NUP210: variants seen among roughly 807,000 people sequenced by gnomAD.
NUP210 encodes the protein nuclear pore membrane glycoprotein 210.
A neutral mutation model predicts 196.0 loss-of-function variants in NUP210; 151 were observed. That is an observed-to-expected ratio of 0.77 (90% CI 0.67 to 0.88). The LOEUF is 0.88. Among genes scored for constraint, NUP210 ranks in the 40% least tolerant of loss-of-function variants. The pLI, the probability that NUP210 is intolerant of heterozygous loss-of-function variation, is 0.00. For synonymous variants in NUP210, 1,070 were observed against 1,052.7 expected (o/e 1.02, Z -0.32); for missense variants, 2,314 against 2,493.7 (o/e 0.93, Z 1.53).
intron 3 of NUP210, among the ~76,000 whole-genome samples, chr3:13,393,782 C>A (rs1317089705): frequency 2.0e-5 from 3 of 152,196 alleles, no homozygotes; most frequent in Non-Finnish European, 4.4e-5. Flanking sequence ...TCAGTACCTA[C>A]TATGTGCAAC....
chr3:13,397,235 G>T, intron 3 of NUP210, 122 bp downstream of exon 3: 1 of 1,200,508 alleles, frequency 8.3e-7, no homozygotes, highest in East Asian at 2.8e-5. Flanking sequence ...GACCAGAGCT[G>T]CCCTCTAGGG....
rs1699017009 is a variant in NUP210 at position 13,379,030 on chromosome 3, G to A, written c.977-50C>T. On this transcript the variant is annotated intron_variant, in intron 7 of 39. Coordinates refer to ENST00000254508, the MANE Select transcript of NUP210 (RefSeq NM_024923.4). This position sits in a 1 kb window ranked among gnomAD's most constrained non-coding sequence, Gnocchi z 4.2. Reference sequence around the variant, plus strand: ...ACATATGACAGCAAATAAACCAGCTGGCTGGCCAGTTTCAGCTTGGCTCAG... The same window carrying A: ...ACATATGACAGCAAATAAACCAGCTAGCTGGCCAGTTTCAGCTTGGCTCAG... 6.6e-7 allele frequency: 1 copy of A among 1,508,484 alleles called. No individual in the cohort carries two copies. Among genetic ancestry groups the A allele is most frequent in the Non-Finnish European group, 9.2e-7 (1 of 1,083,944 alleles). 93.4% of individuals were successfully genotyped at this position (1,508,484 alleles called of 1,614,324 possible). A position where few individuals can be genotyped will look rare whatever the true frequency, so the allele number is the denominator to read the frequency against.
chr3:13,330,333 T>G (rs1196207678), intron 30 of NUP210, 127 bp downstream of exon 30: 1 of 873,518 alleles, frequency 1.1e-6, no homozygotes, highest in African/African-American at 1.7e-5. Flanking sequence ...TGCCCCTGAG[T>G]TACTCTAAAT....
At chr3:13,321,416 A>G (rs1325499656) in intron 36 of NUP210, among the ~76,000 whole-genome samples, 169 bp downstream of exon 36, 1 of 152,270 alleles carries the variant, frequency 6.6e-6, no homozygotes. Context: ...GAGAGACAGC[A>G]ACAGTGCTAT....
chr3:13,318,068 G>A (rs1696346452), intron 39 of NUP210, among the ~76,000 whole-genome samples: 2 of 152,206 alleles, frequency 1.3e-5, no homozygotes, highest in Non-Finnish European at 2.9e-5. Context: ...GGGGCATGAG[G>A]CAGGGAGGCC....
intron 1 of NUP210, among the ~76,000 whole-genome samples, chr3:13,404,997 G>A (rs996496434): frequency 6.6e-6 from 1 of 152,016 alleles, no homozygotes. Flanking sequence ...GGAACAGTTC[G>A]TTTCTGGAGA....
At position 13,379,420 on chromosome 3, in the gene NUP210, C is replaced by T; in HGVS notation, c.976+143G>A. The T allele has an allele frequency of 7.4e-6, 8 of 1,077,652 alleles. No individual in the cohort carries two copies. Among genetic ancestry groups the T allele is most frequent in the Non-Finnish European group, 1.1e-5 (8 of 721,220 alleles). The allele number at this position is 1,077,652 out of a possible 1,614,324, so 66.8% of individuals were successfully genotyped here. On this transcript the variant is annotated intron_variant, in intron 7 of 39. Coordinates refer to ENST00000254508, the MANE Select transcript of NUP210 (RefSeq NM_024923.4). The surrounding 1 kb of genome is among the most constrained non-coding windows in gnomAD (Gnocchi z 4.2). ...CCGTGAGCAATTCCACTCAGCAGTG[C>T]TATTTCAGTTCTTTCTGATTTTCAG...
chr3:13,324,334 C>G lies in NUP210; in HGVS notation c.4645-902G>C, dbSNP rs368272834. 8.5e-5 allele frequency among the ~76,000 whole-genome samples: 13 copies of G among 152,248 alleles called. No homozygotes were observed. In the East Asian group the frequency reaches 2.1e-3, roughly 25 times the overall value. On this transcript the variant is annotated intron_variant, in intron 33 of 39. Coordinates refer to ENST00000254508, the MANE Select transcript of NUP210 (RefSeq NM_024923.4). ...CGTGCACTCCCACCCACTCCCAGGG[C>G]TTCAGAGGCCACTTCTGGGCTGAGG...
chr3:13,395,291 G>A (rs972554829), intron 3 of NUP210, among the ~76,000 whole-genome samples: 1 of 152,206 alleles, frequency 6.6e-6, no homozygotes, highest in African/African-American at 2.4e-5. Context: ...ACAAGGATGA[G>A]CAATAGCAAG....
intron 20 of NUP210, among the ~76,000 whole-genome samples, chr3:13,346,109 C>CT (rs1284930466): frequency 1.3e-5 from 2 of 152,226 alleles, no homozygotes; most frequent in East Asian, 3.8e-4. Context: ...ATCAATTGCT[C>CT]TTCCACTCGA....
Position 13,319,781 on chromosome 3 carries a change from G to A in NUP210, c.5365C>T (p.Arg1789Cys), listed in dbSNP as rs148214795. ...GACTCACAAGGACCGGGCCCACGGC[G>A]ATCCACCACAAAAGCCACTGTCACT... ...IPVTVAFVVD[R>C]RGPGPYGASL... The change falls in exon 37 of 40, where the codon CGC becomes TGC. Residue 1789 changes from arginine to cysteine, a missense_variant. Transcript: ENST00000254508. 53 of 1,614,002 alleles carry A rather than the reference G, an allele frequency of 3.3e-5. No homozygotes were observed. The highest frequency in any genetic ancestry group is 1.6e-4 in the Middle Eastern group (1 of 6,084).
At position 13,330,609 on chromosome 3, in the gene NUP210, G is replaced by GGTA. The variant is rs781232800; in HGVS notation, c.3958_3960dup (p.Tyr1320dup). Reference sequence around the variant, plus strand: ...ACCTTTTCGGGTCCATCCAGGACGCGGTAGCTCAGAGAGGCTGCACCATCC... The same window carrying GGTA: ...ACCTTTTCGGGTCCATCCAGGACGCGGTAGTAGCTCAGAGAGGCTGCACCATCC... On this transcript the variant is annotated inframe_insertion, in exon 30 of 40. Coordinates refer to ENST00000254508, the MANE Select transcript of NUP210 (RefSeq NM_024923.4). 1.9e-6 allele frequency: 3 copies of GGTA among 1,614,056 alleles called. No homozygotes were observed. The Admixed American group carries it at 5.0e-5, about 27-fold the overall frequency.
chr3:13,381,130 G>A (rs1042847299), intron 6 of NUP210, among the ~76,000 whole-genome samples: 1 of 152,232 alleles, frequency 6.6e-6, no homozygotes, highest in Non-Finnish European at 1.5e-5. Flanking sequence ...TATGTGTCTA[G>A]TGTTCAGAAT....
At chr3:13,351,046 A>G (rs1412601428) in intron 20 of NUP210, among the ~76,000 whole-genome samples, 1 of 152,220 alleles carries the variant, frequency 6.6e-6, no homozygotes. Context: ...AAAATTCACT[A>G]GAAGCGCACA....
At position 13,354,078 on chromosome 3, in the gene NUP210, C is replaced by A; in HGVS notation, c.2358G>T (p.Arg786=). 1 of 1,601,316 alleles carries A rather than the reference C, an allele frequency of 6.2e-7. No individual in the cohort carries two copies. Among genetic ancestry groups the A allele is most frequent in the Non-Finnish European group, 8.5e-7 (1 of 1,174,190 alleles). Residue 786 remains arginine, a synonymous_variant, in exon 17 of 40, where the codon CGG becomes CGT. Coordinates refer to ENST00000254508, the MANE Select transcript of NUP210 (RefSeq NM_024923.4). ...VVPVSSHRNP[R]LDLAAYDQEG... ...CCTGGTCGTAAGCAGCCAGGTCCAGCCGGGGGTTGCGGTGGCTGGACACTG... is the reference window on the plus strand; with the variant it reads ...CCTGGTCGTAAGCAGCCAGGTCCAGACGGGGGTTGCGGTGGCTGGACACTG...
At chr3:13,378,015 C>T (rs1158682179) in intron 8 of NUP210, among the ~76,000 whole-genome samples, 2 of 152,244 alleles carry the variant, frequency 1.3e-5, no homozygotes, top group South Asian at 4.1e-4. Flanking sequence ...CTAATGCCAC[C>T]TTCAGCCCTA....
intron 33 of NUP210, among the ~76,000 whole-genome samples, chr3:13,325,344 G>C (rs1003736659): frequency 2.0e-5 from 3 of 152,254 alleles, no homozygotes; most frequent in African/African-American, 7.2e-5. Flanking sequence ...CTCTAAAAAT[G>C]AGATGCATTT....
intron 6 of NUP210, among the ~76,000 whole-genome samples, chr3:13,382,398 G>A (rs1472195125): frequency 2.0e-5 from 3 of 152,184 alleles, no homozygotes; most frequent in African/African-American, 7.2e-5. Flanking sequence ...GACATGATGT[G>A]ACTGACTGTG....
intron 1 of NUP210, among the ~76,000 whole-genome samples, chr3:13,401,636 C>T (rs1699844118): frequency 6.6e-6 from 1 of 152,158 alleles, no homozygotes; most frequent in African/African-American, 2.4e-5. Context: ...TGAACCCGGC[C>T]CATACCCACT....
Sources: allele counts gnomAD v4.1 joint callset (sites outside exome capture counted in the v4.1 genomes callset), GRCh38; gene constraint gnomAD v4.1.1; non-coding constraint Gnocchi (gnomAD v3.1); transcripts MANE v1.5; gene names NCBI Gene and HGNC (gene_info 2026-07-23, HGNC 2026-07-21).